Variants in PUDP observed in about 807,000 individuals in gnomAD.
PUDP encodes the protein pseudouridine-5'-phosphatase.
A neutral mutation model predicts 9.4 loss-of-function variants in PUDP; 8 were observed. The ratio of observed to expected loss-of-function variants is 0.85; its 90% CI spans 0.50 to 1.53. The LOEUF (loss-of-function observed/expected upper bound fraction) is 1.53. PUDP is among the 40% of genes most tolerant of loss of function. PUDP has a pLI of 0.00. For missense variants in PUDP, 188 were observed against 189.7 expected, an observed-to-expected ratio of 0.99 and a Z score of 0.05; for synonymous variants, 99 against 80.7, an observed-to-expected ratio of 1.23 and a Z score of -1.22.
intron 3 of PUDP, among the ~76,000 whole-genome samples, chrX:6,876,639 A>ATGTGTGTGTG (rs111935866): frequency 8.9e-4 from 83 of 92,811 alleles, no homozygotes; most frequent in South Asian, 1.8e-3. Flanking sequence ...CTAAAATGTT[A>ATGTGTGTGTG]TGTGTGTGTG....
chrX:7,074,153 G>A (rs1208567285), intron 3 of PUDP, among the ~76,000 whole-genome samples: 1 of 112,562 alleles, frequency 8.9e-6, no homozygotes, highest in Non-Finnish European at 1.9e-5. Context: ...TCAAGCTACT[G>A]GGCTCAAGCA....
chrX:7,105,563 A>T, intron 2 of PUDP, 57 bp downstream of exon 2: 1 of 910,327 alleles, frequency 1.1e-6, no homozygotes, highest in Non-Finnish European at 1.5e-6. Context: ...AAGGTGATTT[A>T]CAAAACCATT....
intron 1 of PUDP, among the ~76,000 whole-genome samples, chrX:7,137,359 G>A (rs1932760397): frequency 9.4e-6 from 1 of 106,000 alleles, no homozygotes; most frequent in Non-Finnish European, 1.9e-5. Context: ...TGGCTAACAT[G>A]GTGAAACCCT....
At chrX:6,772,497 A>G (rs1321934288) in intron 3 of PUDP, among the ~76,000 whole-genome samples, 1 of 109,847 alleles carries the variant, frequency 9.1e-6, no homozygotes, top group Non-Finnish European at 1.9e-5. Context: ...TCATCTTTCA[A>G]CTCTGAGGTC....
At chrX:6,764,982 T>C (rs771485943) in intron 3 of PUDP, among the ~76,000 whole-genome samples, 9 of 110,282 alleles carry the variant, frequency 8.2e-5, no homozygotes, top group East Asian at 2.8e-4. Flanking sequence ...AAGCTGAAAA[T>C]ATGGGTAGGT....
intron 1 of PUDP, among the ~76,000 whole-genome samples, chrX:7,032,339 C>A (rs754794378): frequency 8.9e-6 from 1 of 111,823 alleles, no homozygotes; most frequent in East Asian, 2.8e-4. Flanking sequence ...TACCCTATGG[C>A]TCAACAATTC....
At chrX:6,863,726 G>A (rs1269750439) in intron 3 of PUDP, among the ~76,000 whole-genome samples, 1 of 111,899 alleles carries the variant, frequency 8.9e-6, no homozygotes, top group Non-Finnish European at 1.9e-5. Flanking sequence ...GCTGAAATTG[G>A]CATACGGTCT....
chrX:7,074,258 T>C (rs1424041790), intron 3 of PUDP, among the ~76,000 whole-genome samples: 1 of 112,195 alleles, frequency 8.9e-6, no homozygotes, highest in Non-Finnish European at 1.9e-5. Context: ...TCCCAGCTAC[T>C]TGGGAGGCAG....
chrX:6,804,438 T>A (rs1023494865), intron 3 of PUDP, among the ~76,000 whole-genome samples: 1 of 111,888 alleles, frequency 8.9e-6, no homozygotes. Flanking sequence ...GACGTATCAA[T>A]CATCCTTTCT....
At chrX:7,034,756 T>C (rs1352555683) in intron 1 of PUDP, among the ~76,000 whole-genome samples, 1 of 111,480 alleles carries the variant, frequency 9.0e-6, no homozygotes, top group Non-Finnish European at 1.9e-5. Flanking sequence ...CCCCACTTTG[T>C]CTAATCTTCA....
At chrX:6,744,347 C>T (rs892068683) in intron 3 of PUDP, among the ~76,000 whole-genome samples, 26 of 111,357 alleles carry the variant, frequency 2.3e-4, no homozygotes, top group Admixed American at 1.9e-4. Flanking sequence ...TCTTTATGCA[C>T]AAAAATCTTC....
At chrX:6,950,243 C>A (rs1201760954) in intron 3 of PUDP, among the ~76,000 whole-genome samples, 1 of 98,864 alleles carries the variant, frequency 1.0e-5, no homozygotes, top group Non-Finnish European at 2.0e-5. Context: ...GAGGCTGAGG[C>A]AGGAGAACCA....
At chrX:6,733,141 A>G (rs909876228) in intron 3 of PUDP, among the ~76,000 whole-genome samples, 20 of 112,340 alleles carry the variant, frequency 1.8e-4, no homozygotes, top group African/African-American at 6.5e-4. Flanking sequence ...CTTGTCTTCT[A>G]CAGGGAAAAG....
At chrX:6,726,845 T>C (rs1371940351) in intron 3 of PUDP, among the ~76,000 whole-genome samples, 4 of 111,862 alleles carry the variant, frequency 3.6e-5, no homozygotes, top group Admixed American at 2.9e-4. Flanking sequence ...TTAAATTATA[T>C]TAAATAAGAG....
At chrX:6,964,152 A>T (rs913040237) in intron 3 of PUDP, among the ~76,000 whole-genome samples, 1 of 112,236 alleles carries the variant, frequency 8.9e-6, no homozygotes, top group Non-Finnish European at 1.9e-5. Flanking sequence ...TGCATAATAC[A>T]AATAGCAAGT....
At chrX:6,955,925 T>G (rs1026991693) in intron 3 of PUDP, among the ~76,000 whole-genome samples, 3 of 112,425 alleles carry the variant, frequency 2.7e-5, no homozygotes, top group Non-Finnish European at 5.6e-5. Flanking sequence ...TGTGTAGATA[T>G]ATGGACATTT....
At chrX:6,922,999 C>T (rs962809627) in intron 3 of PUDP, among the ~76,000 whole-genome samples, 1 of 111,842 alleles carries the variant, frequency 8.9e-6, no homozygotes, top group African/African-American at 3.2e-5. Flanking sequence ...CTGAATCAAC[C>T]CCCAATCACT....
intron 1 of PUDP, among the ~76,000 whole-genome samples, chrX:7,006,886 A>G (rs768529749): frequency 1.8e-5 from 2 of 111,648 alleles, no homozygotes; most frequent in East Asian, 5.6e-4. Context: ...AGGAGCAAGT[A>G]AGCAGAAAAA....
intron 1 of PUDP, among the ~76,000 whole-genome samples, chrX:7,139,258 T>C (rs1289379633): frequency 8.9e-6 from 1 of 112,210 alleles, no homozygotes; most frequent in Non-Finnish European, 1.9e-5. Context: ...GATGAGTGAA[T>C]GCATTCCTCT....
Sources: gnomAD v4.1 joint callset for allele counts (sites outside exome capture counted in the v4.1 genomes callset) on GRCh38, gnomAD v4.1.1 for gene constraint, MANE v1.5 for transcripts, NCBI Gene and HGNC (gene_info 2026-07-23, HGNC 2026-07-21) for gene names.